Variants in AMBRA1 observed in about 807,000 individuals in gnomAD.
AMBRA1 encodes activating molecule in BECN1-regulated autophagy protein 1.
In AMBRA1, 47 loss-of-function variants were observed where a neutral mutation model predicts 125.4. The observed-to-expected ratio is 0.37, with a 90% CI of 0.30 to 0.48. AMBRA1 has a LOEUF of 0.48. AMBRA1 is among the 20% of genes least tolerant of loss of function. The pLI, the probability that AMBRA1 is intolerant of heterozygous loss-of-function variation, is 0.99. For missense variants in AMBRA1, 1,331 were observed against 1,693.4 expected (o/e 0.79, Z 3.76); for synonymous variants, 626 against 655.5 (o/e 0.95, Z 0.69).
In AMBRA1 at chr11:46,433,358, C is replaced by G. The variant is rs149943626; in HGVS notation, c.2976+116G>C. On this transcript the variant is annotated intron_variant, in intron 14 of 17. Coordinates refer to ENST00000683756, the MANE Select transcript of AMBRA1 (RefSeq NM_001387011.1). Reference sequence around the variant, plus strand: ...GCTTGACTACAGCCCTTCCTTACTCCTTATGACTGTGTGATAGCTCTGGTC... The same window carrying G: ...GCTTGACTACAGCCCTTCCTTACTCGTTATGACTGTGTGATAGCTCTGGTC... The G allele has an allele frequency of 1.1e-3, 1,507 of 1,337,354 alleles. 8 individuals carry two copies. The Middle Eastern group carries it at 0.018, about 16-fold the overall frequency. The allele number at this position is 1,337,354 out of a possible 1,614,324, so 82.8% of individuals were successfully genotyped here. A position where few individuals can be genotyped will look rare whatever the true frequency, so the allele number is the denominator to read the frequency against.
chr11:46,511,000 T>C (rs1951234992), intron 8 of AMBRA1, among the ~76,000 whole-genome samples: 1 of 152,240 alleles, frequency 6.6e-6, no homozygotes, highest in South Asian at 2.1e-4. Flanking sequence ...AAACCTATTT[T>C]GTATTCAAAG....
At chr11:46,481,142 G>A (rs1950048258) in intron 11 of AMBRA1, among the ~76,000 whole-genome samples, 1 of 152,164 alleles carries the variant, frequency 6.6e-6, no homozygotes, top group East Asian at 1.9e-4. Context: ...CCAGAGGCCT[G>A]CCGTCCCCAG....
chr11:46,410,441 C>T, intron 15 of AMBRA1, 73 bp from the exon 16 acceptor site: 3 of 1,364,858 alleles, frequency 2.2e-6, no homozygotes, highest in Non-Finnish European at 3.1e-6. Context: ...GCTCCTGAAA[C>T]TCCTGGCTTT....
intron 1 of AMBRA1, among the ~76,000 whole-genome samples, chr11:46,571,687 C>T (rs1334197905): frequency 7.3e-5 from 9 of 123,916 alleles, no homozygotes; most frequent in African/African-American, 2.2e-4. Context: ...ATCAATCAAT[C>T]TTTTTTTTTT....
chr11:46,439,998 C>G (rs761378244), intron 12 of AMBRA1, among the ~76,000 whole-genome samples: 1 of 151,964 alleles, frequency 6.6e-6, no homozygotes, highest in Non-Finnish European at 1.5e-5. Flanking sequence ...AAATCAGGCA[C>G]TCTCATGAAC....
At position 46,494,893 on chromosome 11, in the gene AMBRA1, T is replaced by C. The variant is rs565649988; in HGVS notation, c.2340-689A>G. Reference sequence around the variant, plus strand: ...AGTAGTAACTGCCATTTATTAAGTATCTGCTAGGTTCCAATACAAAGGTTA... The same window carrying C: ...AGTAGTAACTGCCATTTATTAAGTACCTGCTAGGTTCCAATACAAAGGTTA... On this transcript the variant is annotated intron_variant, in intron 9 of 17. Transcript: ENST00000683756. The C allele has an allele frequency of 1.1e-4, 16 of 152,358 alleles. 2 individuals are homozygous for C. The highest frequency in any genetic ancestry group is 6.8e-3 in the Middle Eastern group (2 of 294). The allele number at this position is 152,358 out of a possible 1,614,324, so 9.4% of individuals were successfully genotyped here. A position where few individuals can be genotyped will look rare whatever the true frequency, so the allele number is the denominator to read the frequency against.
intron 11 of AMBRA1, among the ~76,000 whole-genome samples, chr11:46,449,786 C>A (rs1476683118): frequency 6.6e-6 from 1 of 152,184 alleles, no homozygotes; most frequent in Non-Finnish European, 1.5e-5. Flanking sequence ...ATAGGCCGGG[C>A]GCAGTGGCTC....
intron 11 of AMBRA1, among the ~76,000 whole-genome samples, chr11:46,462,357 G>A (rs762563628): frequency 2.6e-5 from 4 of 152,138 alleles, no homozygotes; most frequent in Non-Finnish European, 1.5e-5. Flanking sequence ...AACACTAAGC[G>A]CCGGGCCCTT....
At position 46,415,771 on chromosome 11, in the gene AMBRA1, T is replaced by TA. The variant is rs558450574; in HGVS notation, c.3116+2141dup. 3.2e-4 allele frequency among the ~76,000 whole-genome samples: 49 copies of TA among 152,356 alleles called. 1 individual carries two copies. The highest frequency in any genetic ancestry group is 1.2e-3 in the African/African-American group (49 of 41,584). ...AATGTGTCCAGTGCTAATGCCATCT[T>TA]ACTCAGGGAAGAGGCTTGAGTTCCT... On this transcript the variant is annotated intron_variant, in intron 15 of 17. Coordinates refer to ENST00000683756, the MANE Select transcript of AMBRA1 (RefSeq NM_001387011.1).
intron 7 of AMBRA1, among the ~76,000 whole-genome samples, chr11:46,533,018 C>T (rs1952288346): frequency 1.3e-5 from 2 of 152,038 alleles, no homozygotes; most frequent in African/African-American, 4.8e-5. Flanking sequence ...CAAAAATTAG[C>T]CAGGCCTGGT....
intron 14 of AMBRA1, among the ~76,000 whole-genome samples, chr11:46,431,131 A>G (rs1399899916): frequency 6.6e-6 from 1 of 152,214 alleles, no homozygotes; most frequent in Non-Finnish European, 1.5e-5. Context: ...GTTTAAAGTC[A>G]GACTGGGTGG....
intron 7 of AMBRA1, among the ~76,000 whole-genome samples, chr11:46,520,656 C>T (rs1429564159): frequency 6.0e-5 from 9 of 149,790 alleles, no homozygotes; most frequent in Non-Finnish European, 8.9e-5. Flanking sequence ...AGTGCAGTGG[C>T]GTGGTATCGG....
intron 9 of AMBRA1, among the ~76,000 whole-genome samples, chr11:46,503,294 TCAG>T (rs1482707081): frequency 1.3e-5 from 2 of 152,074 alleles, no homozygotes; most frequent in Non-Finnish European, 2.9e-5. Context: ...TTGCTGTGTA[TCAG>T]GGAATAGGAA....
chr11:46,511,236 C>T (rs1287315853), intron 8 of AMBRA1, among the ~76,000 whole-genome samples: 1 of 152,174 alleles, frequency 6.6e-6, no homozygotes, highest in Admixed American at 6.5e-5. Flanking sequence ...TGAAAAATTC[C>T]TTTCCCTTAT....
At chr11:46,549,386 T>C (rs1235472800) in intron 1 of AMBRA1, among the ~76,000 whole-genome samples, 1 of 152,244 alleles carries the variant, frequency 6.6e-6, no homozygotes, top group African/African-American at 2.4e-5. Context: ...AAACATACAC[T>C]ATTCTCCACC....
chr11:46,405,059 C>A (rs1464673134), intron 17 of AMBRA1, among the ~76,000 whole-genome samples: 1 of 152,236 alleles, frequency 6.6e-6, no homozygotes, highest in East Asian at 1.9e-4. Flanking sequence ...CCAGACATGC[C>A]ATGAACACAA....
chr11:46,583,523 C>A (rs1422258890), intron 1 of AMBRA1, among the ~76,000 whole-genome samples: 1 of 146,088 alleles, frequency 6.8e-6, no homozygotes, highest in African/African-American at 2.5e-5. Context: ...AACTAAAGAG[C>A]TTCTGCACAG....
chr11:46,569,578 G>A (rs1025161121), intron 1 of AMBRA1, among the ~76,000 whole-genome samples: 4 of 151,910 alleles, frequency 2.6e-5, no homozygotes, highest in African/African-American at 7.3e-5. Context: ...TGAGAGTAGA[G>A]TCTGTGTACT....
chr11:46,443,319 T>G (rs1462612625), intron 12 of AMBRA1, among the ~76,000 whole-genome samples, 169 bp downstream of exon 12: 1 of 152,214 alleles, frequency 6.6e-6, no homozygotes, highest in African/African-American at 2.4e-5. Context: ...ATGGTTGATA[T>G]CTGGTTAATG....
Sources: allele counts gnomAD v4.1 joint callset (sites outside exome capture counted in the v4.1 genomes callset), GRCh38; gene constraint gnomAD v4.1.1; transcripts MANE v1.5; gene names NCBI Gene and HGNC (gene_info 2026-07-23, HGNC 2026-07-21).